EIF5B: variants seen among roughly 807,000 people sequenced by gnomAD.
EIF5B encodes eukaryotic translation initiation factor 5B, also known as eIF-5B.
Under a neutral mutation model 147.5 loss-of-function variants are expected in EIF5B, and 47 were observed. That is an observed-to-expected ratio of 0.32 (90% CI 0.25 to 0.41). EIF5B has a LOEUF of 0.41. Ranked by LOEUF, EIF5B falls within the 10% of genes least tolerant of loss-of-function variation. The pLI, the probability that EIF5B is intolerant of heterozygous loss-of-function variation, is 1.00. For synonymous variants in EIF5B, 455 were observed against 456.2 expected, an observed-to-expected ratio of 1.00 and a Z score of 0.03; for missense variants, 1,064 against 1,413.2, an observed-to-expected ratio of 0.75 and a Z score of 3.96.
In EIF5B at chr2:99,394,501, T is replaced by C. The variant is rs1232989379; in HGVS notation, c.3013-8T>C. 2 of 1,614,124 alleles carry C rather than the reference T, an allele frequency of 1.2e-6. No individual in the cohort carries two copies. The highest frequency in any genetic ancestry group is 4.5e-5 in the East Asian group (2 of 44,884). Reference sequence around the variant, plus strand: ...TACAGATAAACATGGAAACTCCCATTTTTTCAGTATGCAGGAATTAACATT... The same window carrying C: ...TACAGATAAACATGGAAACTCCCATCTTTTCAGTATGCAGGAATTAACATT... On this transcript the variant is annotated splice_polypyrimidine_tract_variant and splice_region_variant and intron_variant, in intron 19 of 23. Transcript: ENST00000289371.
At chr2:99,380,498 A>G (rs920594352) in intron 12 of EIF5B, among the ~76,000 whole-genome samples, 1 of 152,124 alleles carries the variant, frequency 6.6e-6, no homozygotes, top group African/African-American at 2.4e-5. Flanking sequence ...TGGTTGTCCT[A>G]GTTTTGGTTG....
chr2:99,372,505 A>G (rs1674474256), intron 9 of EIF5B, among the ~76,000 whole-genome samples: 1 of 151,984 alleles, frequency 6.6e-6, no homozygotes, highest in African/African-American at 2.4e-5. Flanking sequence ...CGCCCAGCTA[A>G]TTTTGTATTT....
Position 99,337,417 on chromosome 2 carries a change from G to T in EIF5B, c.-138G>T. The T allele has an allele frequency of 9.5e-7, 1 of 1,048,574 alleles. No individual in the cohort carries two copies. Among genetic ancestry groups the T allele is most frequent in the Non-Finnish European group, 1.4e-6 (1 of 691,346 alleles). 65.0% of individuals were successfully genotyped at this position (1,048,574 alleles called of 1,614,324 possible). ...CCATATGTGTCCTGTTCCAGTGCGC[G>T]GGTCTGTGGAGAGCCGGGTGCGAGC... On this transcript the variant is annotated 5_prime_UTR_variant, in exon 1 of 24. Coordinates refer to ENST00000289371, the MANE Select transcript of EIF5B (RefSeq NM_015904.4).
intron 6 of EIF5B, among the ~76,000 whole-genome samples, chr2:99,367,443 T>TC (rs1553535413): frequency 8.8e-4 from 133 of 151,246 alleles, no homozygotes; most frequent in Middle Eastern, 3.4e-3. Context: ...TTTTTTTTTT[T>TC]TCTCTCTTTT....
intron 8 of EIF5B, among the ~76,000 whole-genome samples, chr2:99,371,290 A>T (rs372713147): frequency 4.6e-5 from 7 of 152,012 alleles, no homozygotes; most frequent in South Asian, 2.1e-4. Flanking sequence ...AGATCGAGAC[A>T]ATCCTGGCTA....
intron 1 of EIF5B, among the ~76,000 whole-genome samples, chr2:99,339,886 T>C (rs554364788): frequency 1.1e-3 from 162 of 152,316 alleles, no homozygotes; most frequent in African/African-American, 3.7e-3. Context: ...ATGCTGTTTT[T>C]TCCCCCTCTC....
chr2:99,376,625 C>A lies in EIF5B; in HGVS notation c.1831C>A (p.Arg611=). 1 of 1,601,522 alleles carries A rather than the reference C, an allele frequency of 6.2e-7. No individual in the cohort carries two copies. The highest frequency in any genetic ancestry group is 1.1e-5 in the South Asian group (1 of 88,500). The change falls in exon 10 of 24, where the codon CGG becomes AGG. Residue 611 remains arginine, a synonymous_variant. Transcript: ENST00000289371. ...KEERAYDKAK[R]RIEKRRLEHS... ...AGAAAGGGCTTATGACAAAGCAAAA[C>A]GGAGGATTGAGGTATTTATTTTACC...
In EIF5B at chr2:99,394,258, C is replaced by A; in HGVS notation, c.2881-9C>A. Reference sequence around the variant, plus strand: ...TTGACAACCTTATCAAATCTGATTTCTTTTCAAGGATGAATTGATCCATGA... The same window carrying A: ...TTGACAACCTTATCAAATCTGATTTATTTTCAAGGATGAATTGATCCATGA... On this transcript the variant is annotated splice_polypyrimidine_tract_variant and intron_variant, in intron 18 of 23. Transcript: ENST00000289371. 1.3e-6 allele frequency: 2 copies of A among 1,599,902 alleles called. No homozygotes were observed. Among genetic ancestry groups the A allele is most frequent in the Non-Finnish European group, 1.7e-6 (2 of 1,175,980 alleles).
chr2:99,363,873 A>G lies in EIF5B; in HGVS notation c.1137+11A>G. ...AAGCGTAAAGAAGAGGTATGTTTTCATGAAGTTGGTAACATTGATATTGTG... is the reference window on the plus strand; with the variant it reads ...AAGCGTAAAGAAGAGGTATGTTTTCGTGAAGTTGGTAACATTGATATTGTG... On this transcript the variant is annotated intron_variant, in intron 5 of 23. Transcript: ENST00000289371. 1 of 1,598,742 alleles carries G rather than the reference A, an allele frequency of 6.3e-7. No individual in the cohort carries two copies. The highest frequency in any genetic ancestry group is 8.5e-7 in the Non-Finnish European group (1 of 1,175,490).
In EIF5B at chr2:99,399,495, C is replaced by G. The variant is rs1239166739; in HGVS notation, c.*81C>G. On this transcript the variant is annotated 3_prime_UTR_variant, in exon 24 of 24. Coordinates refer to ENST00000289371, the MANE Select transcript of EIF5B (RefSeq NM_015904.4). ...AACAAAAATCAGACAAAAAATGGAA[C>G]AGACGTATTTGGACACTGATGGACT... 5.8e-5 allele frequency: 78 copies of G among 1,339,888 alleles called. No individual in the cohort carries two copies. Among genetic ancestry groups the G allele is most frequent in the Non-Finnish European group, 7.9e-5 (75 of 949,608 alleles). The allele number at this position is 1,339,888 out of a possible 1,614,324, so 83.0% of individuals were successfully genotyped here. A position where few individuals can be genotyped will look rare whatever the true frequency, so the allele number is the denominator to read the frequency against.
intron 1 of EIF5B, among the ~76,000 whole-genome samples, chr2:99,353,848 A>G (rs1450622963): frequency 6.6e-6 from 1 of 152,184 alleles, no homozygotes; most frequent in Non-Finnish European, 1.5e-5. Flanking sequence ...AAGTTGTTGC[A>G]TGTATCAATG....
rs1323327033 is a variant in EIF5B, at chr2:99,376,557, G to A, written c.1763G>A (p.Ser588Asn). 2 of 1,614,068 alleles carry A rather than the reference G, an allele frequency of 1.2e-6. No individual in the cohort carries two copies. Among genetic ancestry groups the A allele is most frequent in the East Asian group, 2.2e-5 (1 of 44,868 alleles). Residue 588 changes from serine (S) to asparagine (N), a missense_variant, in exon 10 of 24, where the codon AGC (serine) becomes AAC (asparagine). Physicochemically the swap from Ser to Asn is conservative, Grantham distance 46 (BLOSUM62 1). This residue lies in a region of EIF5B where 195 missense variants were observed against 186.3 expected (regional missense o/e 1.05). Transcript: ENST00000289371. ...GATAAAAAGCCAAGTAAAGAAATGA[G>A]CTCAGATTCTGAATATGACTCTGAT... Reference protein sequence around the residue: ...TLDKKPSKEMSSDSEYDSDDD... With the variant: ...TLDKKPSKEMNSDSEYDSDDD...
At chr2:99,347,627 G>C (rs927097809) in intron 1 of EIF5B, among the ~76,000 whole-genome samples, 19 of 151,696 alleles carry the variant, frequency 1.3e-4, no homozygotes, top group Admixed American at 1.2e-3. Flanking sequence ...CATTGTGAAT[G>C]TATTGCCTCT....
chr2:99,353,038 G>A lies in EIF5B; in HGVS notation c.36-7198G>A, dbSNP rs1156628597. ...TTTTTTTTTTTTTTTTTTTTGAGAC[G>A]GAGTCTCACTCTGTTGCCCAGGCTG... On this transcript the variant is annotated intron_variant, in intron 1 of 23. Transcript: ENST00000289371. Among the ~76,000 whole-genome samples the A allele has an allele frequency of 2.9e-4, 14 of 49,118 alleles. 1 individual carries two copies. The highest frequency in any genetic ancestry group is 2.6e-3 in the Admixed American group (10 of 3,878). 32.2% of individuals were successfully genotyped at this position (49,118 alleles called of 152,430 possible). A position where few individuals can be genotyped will look rare whatever the true frequency, so the allele number is the denominator to read the frequency against.
At chr2:99,342,887 G>A (rs535692137) in intron 1 of EIF5B, among the ~76,000 whole-genome samples, 1 of 152,208 alleles carries the variant, frequency 6.6e-6, no homozygotes, top group Non-Finnish European at 1.5e-5. Flanking sequence ...TCCCATCTCA[G>A]CCTCTCAAAG....
rs747598859 is a variant in EIF5B, at chr2:99,390,746, C to T, written c.2748+41C>T. 20 of 1,568,702 alleles carry T rather than the reference C, an allele frequency of 1.3e-5. No individual in the cohort carries two copies. The South Asian group carries it at 2.3e-4, about 18-fold the overall frequency. ...AAGCATTGACACGTGGGGACTTGTA[C>T]AGTGTTTAGAAGTTCTGCTGAGATG... On this transcript the variant is annotated intron_variant, in intron 17 of 23. Coordinates refer to ENST00000289371, the MANE Select transcript of EIF5B (RefSeq NM_015904.4).
chr2:99,363,836 G>A lies in EIF5B; in HGVS notation c.1111G>A (p.Glu371Lys), dbSNP rs750106725. 1 of 1,609,394 alleles carries A rather than the reference G, an allele frequency of 6.2e-7. No homozygotes were observed. The highest frequency in any genetic ancestry group is 1.7e-5 in the Admixed American group (1 of 58,826). The change falls in exon 5 of 24, where the codon GAA becomes AAA. Residue 371 changes from glutamate (E) to lysine (K), a missense_variant. Transcript: ENST00000289371. ...GGAAGAACGTATAAAACGGCTTGAA[G>A]AATTAGAAGCCAAGCGTAAAGAAGA... Reference protein sequence around the residue: ...EEEERIKRLEELEAKRKEEER... With the variant: ...EEEERIKRLEKLEAKRKEEER...
intron 1 of EIF5B, among the ~76,000 whole-genome samples, chr2:99,358,219 A>G (rs903217749): frequency 6.6e-6 from 1 of 152,084 alleles, no homozygotes; most frequent in Non-Finnish European, 1.5e-5. Flanking sequence ...GGCATGCGCC[A>G]CCATGCCTGG....
chr2:99,362,908 G>A (rs576469328), intron 4 of EIF5B, among the ~76,000 whole-genome samples: 1 of 151,158 alleles, frequency 6.6e-6, no homozygotes, highest in East Asian at 2.0e-4. Flanking sequence ...ACAGGAGCCC[G>A]CCACCATGCC....
Sources: allele counts gnomAD v4.1 joint callset (sites outside exome capture counted in the v4.1 genomes callset), GRCh38; gene constraint gnomAD v4.1.1; regional missense constraint gnomAD v4.1.1; transcripts MANE v1.5; gene names NCBI Gene and HGNC (gene_info 2026-07-23, HGNC 2026-07-21).